The following EVI5 variants were observed in gnomAD, a reference collection of about 807,000 sequenced individuals.
The protein encoded by EVI5 is ecotropic viral integration site 5, also known as ecotropic viral integration site 5 protein homolog.
EVI5 carries 73 observed loss-of-function variants against 112.0 expected under a neutral mutation model. The observed-to-expected ratio is 0.65, with a 90% CI of 0.54 to 0.79. The LOEUF (loss-of-function observed/expected upper bound fraction) is 0.79. Among genes scored for constraint, EVI5 ranks in the 30% least tolerant of loss-of-function variants. The pLI is 0.00. For missense variants in EVI5, 900 were observed against 968.8 expected (o/e 0.93, Z 0.94); for synonymous variants, 305 against 319.9 (o/e 0.95, Z 0.50).
intron 18 of EVI5, among the ~76,000 whole-genome samples, chr1:92,575,080 G>A (rs892385836): frequency 6.6e-6 from 1 of 152,190 alleles, no homozygotes; most frequent in Admixed American, 6.5e-5. Context: ...AAATATAAAA[G>A]CATCGAGTCC....
intron 2 of EVI5, among the ~76,000 whole-genome samples, chr1:92,724,047 A>G (rs949277582): frequency 2.6e-5 from 4 of 152,172 alleles, no homozygotes; most frequent in African/African-American, 7.2e-5. Context: ...TTATCAAGAC[A>G]ATGCGTGCAC....
chr1:92,524,169 G>A (rs1489315090), intron 19 of EVI5, among the ~76,000 whole-genome samples: 3 of 146,844 alleles, frequency 2.0e-5, no homozygotes, highest in Non-Finnish European at 4.5e-5. Flanking sequence ...AAAGATTCTT[G>A]AGCCCTACTC....
At chr1:92,514,023 G>T (rs988195047) in intron 19 of EVI5, 53 bp from the exon 20 acceptor site, 2 of 1,069,890 alleles carry the variant, frequency 1.9e-6, no homozygotes, top group African/African-American at 1.6e-5. Flanking sequence ...ACACACACAC[G>T]CCAAAAAGCA....
chr1:92,558,556 C>T (rs1668021373), intron 19 of EVI5, among the ~76,000 whole-genome samples: 1 of 152,156 alleles, frequency 6.6e-6, no homozygotes, highest in African/African-American at 2.4e-5. Context: ...ATTACATTTC[C>T]ACTTCTTCCA....
chr1:92,631,208 T>A (rs1310086465), intron 14 of EVI5, among the ~76,000 whole-genome samples: 2 of 152,154 alleles, frequency 1.3e-5, no homozygotes, highest in African/African-American at 2.4e-5. Context: ...TTTTTCCAAT[T>A]CTGTGAAGAA....
In EVI5 at chr1:92,636,278, A is replaced by G. The variant is rs1658810845; in HGVS notation, c.1451T>C (p.Val484Ala). 3 of 1,613,632 alleles carry G rather than the reference A, an allele frequency of 1.9e-6. No individual in the cohort carries two copies. The highest frequency in any genetic ancestry group is 2.5e-6 in the Non-Finnish European group (3 of 1,179,670). Reference protein sequence around the residue: ...DFVLQLEKELVQARLSEAESQ... With the variant: ...DFVLQLEKELAQARLSEAESQ... ...CTCAGCTTCACTCAGTCGGGCTTGG[A>G]CCAATTCCTTCTCTAGCTGTAGCAC... Residue 484 changes from valine to alanine, a missense_variant, in exon 14 of 20, where the codon GTC becomes GCC. By Grantham distance (64) the Val-to-Ala change is moderately conservative. Transcript: ENST00000684568.
chr1:92,706,115 A>T (rs181778242), intron 2 of EVI5, among the ~76,000 whole-genome samples: 148 of 152,324 alleles, frequency 9.7e-4, no homozygotes, highest in African/African-American at 3.5e-3. Flanking sequence ...AATAATTAAA[A>T]TAAAATTTCC....
intron 1 of EVI5, among the ~76,000 whole-genome samples, chr1:92,747,732 A>AAC (rs1347603110): frequency 4.7e-5 from 7 of 150,458 alleles, no homozygotes; most frequent in African/African-American, 1.7e-4. Flanking sequence ...AAAAAACAAA[A>AAC]AAAAAAACCA....
intron 10 of EVI5, among the ~76,000 whole-genome samples, chr1:92,675,465 G>C (rs1177157782): frequency 6.6e-6 from 1 of 152,108 alleles, no homozygotes; most frequent in Non-Finnish European, 1.5e-5. Context: ...TCAAGAGTAA[G>C]GATTGTTCAT....
At chr1:92,585,171 C>T (rs541511927) in intron 18 of EVI5, among the ~76,000 whole-genome samples, 17 of 148,770 alleles carry the variant, frequency 1.1e-4, no homozygotes, top group African/African-American at 4.2e-4. Context: ...TGCAGTGAGC[C>T]GAGATTGCAC....
intron 13 of EVI5, among the ~76,000 whole-genome samples, chr1:92,648,634 T>G (rs546023184): frequency 1.7e-4 from 26 of 152,352 alleles, no homozygotes; most frequent in African/African-American, 5.3e-4. Context: ...ATACAATATG[T>G]GATCTTTTGG....
At chr1:92,726,511 T>C (rs1344135647) in intron 2 of EVI5, among the ~76,000 whole-genome samples, 1 of 152,078 alleles carries the variant, frequency 6.6e-6, no homozygotes, top group Non-Finnish European at 1.5e-5. Context: ...TTCTCAAACA[T>C]ACAAACGCTA....
chr1:92,732,794 G>A (rs1334270762), intron 2 of EVI5, among the ~76,000 whole-genome samples: 1 of 150,524 alleles, frequency 6.6e-6, no homozygotes. Flanking sequence ...TAGCTACTTG[G>A]GAGGCTGAGG....
chr1:92,578,487 G>A (rs541795436), intron 18 of EVI5, among the ~76,000 whole-genome samples: 21 of 152,102 alleles, frequency 1.4e-4, no homozygotes, highest in Non-Finnish European at 2.5e-4. Context: ...AGGCTGAGGC[G>A]GGCGGATTAC....
chr1:92,578,136 T>C (rs1202552570), intron 18 of EVI5, among the ~76,000 whole-genome samples: 1 of 152,216 alleles, frequency 6.6e-6, no homozygotes. Flanking sequence ...TGAAAAGCCC[T>C]TTCTGGATCC....
intron 2 of EVI5, chr1:92,714,224 G>T: frequency 1.4e-6 from 1 of 716,306 alleles, no homozygotes; most frequent in Non-Finnish European, 1.7e-6. Flanking sequence ...GTAAAACTAT[G>T]AAAAGAAAAA....
intron 2 of EVI5, among the ~76,000 whole-genome samples, chr1:92,715,490 G>C (rs926361084): frequency 2.0e-5 from 3 of 152,164 alleles, no homozygotes; most frequent in Non-Finnish European, 4.4e-5. Context: ...AAGGAGGCGT[G>C]TTCCAAGATG....
At chr1:92,522,034 C>T (rs1661017411) in intron 19 of EVI5, among the ~76,000 whole-genome samples, 1 of 152,150 alleles carries the variant, frequency 6.6e-6, no homozygotes, top group Non-Finnish European at 1.5e-5. Context: ...TGTTTAATAA[C>T]CTGCTTTTTC....
At chr1:92,537,932 A>G (rs1664162935) in intron 19 of EVI5, among the ~76,000 whole-genome samples, 1 of 152,162 alleles carries the variant, frequency 6.6e-6, no homozygotes, top group Non-Finnish European at 1.5e-5. Flanking sequence ...GTAAAACTGT[A>G]TATAATGCAA....
Sources: gnomAD v4.1 joint callset for allele counts (sites outside exome capture counted in the v4.1 genomes callset) on GRCh38, gnomAD v4.1.1 for gene constraint, MANE v1.5 for transcripts, NCBI Gene and HGNC (gene_info 2026-07-23, HGNC 2026-07-21) for gene names.